The following MACROD2 variants were observed in gnomAD, a reference collection of about 807,000 sequenced individuals.
MACROD2 encodes ADP-ribose glycohydrolase MACROD2.
MACROD2 carries 36 observed loss-of-function variants against 70.4 expected under a neutral mutation model. That is an observed-to-expected ratio of 0.51 (90% CI 0.39 to 0.68). The LOEUF (loss-of-function observed/expected upper bound fraction) is 0.68, where lower values mean the gene tolerates loss of function less well. MACROD2 is among the 30% of genes least tolerant of loss of function. The pLI, the probability that MACROD2 is intolerant of heterozygous loss-of-function variation, is 0.00. For missense variants in MACROD2, 496 were observed against 538.4 expected (o/e 0.92, Z 0.78); for synonymous variants, 172 against 178.8 (o/e 0.96, Z 0.30).
chr20:14,357,099 G>T (rs2083179536), intron 3 of MACROD2, among the ~76,000 whole-genome samples: 1 of 152,202 alleles, frequency 6.6e-6, no homozygotes, highest in South Asian at 2.1e-4. Context: ...AGATTTAAGA[G>T]GGAGGAACGT....
chr20:15,212,109 A>C lies in MACROD2; in HGVS notation c.419-17831A>C, dbSNP rs917235766. On this transcript the variant is annotated intron_variant, in intron 5 of 17. Transcript: ENST00000684519. The stretch of plus-strand genomic sequence containing the variant: ...ATTTGCATTTCCGGAAGAACTAAGG[A>C]TATTGAGCACTATTTCATGTACTTA... Among the ~76,000 whole-genome samples, 4 of 152,314 alleles carry C rather than the reference A, an allele frequency of 2.6e-5. No homozygotes were observed. The East Asian group carries it at 7.7e-4, about 29-fold the overall frequency.
intron 5 of MACROD2, among the ~76,000 whole-genome samples, chr20:14,750,980 G>T (rs1454728568): frequency 1.3e-5 from 2 of 151,638 alleles, no homozygotes; most frequent in African/African-American, 4.9e-5. Flanking sequence ...TCTTTTGTTT[G>T]TTTTCCCTGT....
At chr20:14,137,919 C>T (rs1275682659) in intron 3 of MACROD2, among the ~76,000 whole-genome samples, 1 of 152,006 alleles carries the variant, frequency 6.6e-6, no homozygotes, top group African/African-American at 2.4e-5. Flanking sequence ...CTGTACAACT[C>T]AGTAAAAACA....
intron 5 of MACROD2, among the ~76,000 whole-genome samples, chr20:14,714,531 C>A (rs2071375467): frequency 6.6e-6 from 1 of 152,216 alleles, no homozygotes; most frequent in Admixed American, 6.5e-5. Flanking sequence ...ACATGACCTA[C>A]AAGACCTGGC....
chr20:15,448,380 T>C (rs1398369750), intron 7 of MACROD2, among the ~76,000 whole-genome samples: 1 of 152,116 alleles, frequency 6.6e-6, no homozygotes, highest in Non-Finnish European at 1.5e-5. Flanking sequence ...TGCCCTGGCG[T>C]CCCTGAGCAG....
intron 5 of MACROD2, among the ~76,000 whole-genome samples, chr20:14,820,966 A>G (rs1474650975): frequency 1.3e-5 from 2 of 152,028 alleles, no homozygotes; most frequent in East Asian, 3.9e-4. Context: ...TCATTTCCCA[A>G]TCATGAATAG....
intron 4 of MACROD2, among the ~76,000 whole-genome samples, chr20:14,503,001 A>G (rs1260302455): frequency 6.6e-6 from 1 of 152,186 alleles, no homozygotes; most frequent in Non-Finnish European, 1.5e-5. Context: ...CAACATTACC[A>G]GTCTAGGAGA....
At chr20:14,617,306 C>T (rs969039147) in intron 4 of MACROD2, among the ~76,000 whole-genome samples, 1 of 152,104 alleles carries the variant, frequency 6.6e-6, no homozygotes, top group African/African-American at 2.4e-5. Context: ...GCCAATCTTT[C>T]CTCCTTTGTT....
chr20:14,872,156 G>A (rs2073495983), intron 5 of MACROD2, among the ~76,000 whole-genome samples: 1 of 152,046 alleles, frequency 6.6e-6, no homozygotes, highest in South Asian at 2.1e-4. Flanking sequence ...CTCATTACTG[G>A]ATCAAATGAA....
intron 6 of MACROD2, among the ~76,000 whole-genome samples, chr20:15,236,495 A>G (rs2077015115): frequency 6.6e-6 from 1 of 152,188 alleles, no homozygotes; most frequent in Non-Finnish European, 1.5e-5. Context: ...AAGAATAGCA[A>G]ATGTTTCTGA....
intron 5 of MACROD2, among the ~76,000 whole-genome samples, chr20:14,917,618 G>A (rs569726980): frequency 7.1e-4 from 108 of 152,088 alleles, no homozygotes; most frequent in African/African-American, 2.0e-3. Flanking sequence ...AAAACACACC[G>A]ACTACAACAA....
intron 6 of MACROD2, among the ~76,000 whole-genome samples, chr20:15,429,246 G>T (rs1350287674): frequency 1.3e-5 from 2 of 152,118 alleles, no homozygotes; most frequent in African/African-American, 4.8e-5. Flanking sequence ...TTCATGATCT[G>T]TATCACTGAA....
intron 5 of MACROD2, among the ~76,000 whole-genome samples, chr20:15,040,972 T>A (rs931774717): frequency 7.9e-5 from 12 of 152,232 alleles, no homozygotes; most frequent in African/African-American, 2.4e-4. Context: ...ATAAAATCTT[T>A]TATGTTTTCA....
At chr20:14,625,989 A>G (rs535441139) in intron 4 of MACROD2, among the ~76,000 whole-genome samples, 1 of 152,066 alleles carries the variant, frequency 6.6e-6, no homozygotes, top group African/African-American at 2.4e-5. Context: ...TGCCCGGCTA[A>G]TTTTTTTGGT....
At chr20:15,936,520 CAT>C (rs761070499) in intron 11 of MACROD2, among the ~76,000 whole-genome samples, 7 of 148,296 alleles carry the variant, frequency 4.7e-5, no homozygotes, top group African/African-American at 7.4e-5. Flanking sequence ...TATATATACA[CAT>C]GTGCACACTA....
intron 5 of MACROD2, among the ~76,000 whole-genome samples, chr20:14,997,147 T>C (rs1428050892): frequency 1.3e-5 from 2 of 151,976 alleles, no homozygotes; most frequent in African/African-American, 4.8e-5. Flanking sequence ...CTTTCCCTTG[T>C]GGAAAGGAGA....
chr20:14,599,691 G>A (rs1982360835), intron 4 of MACROD2, among the ~76,000 whole-genome samples: 1 of 152,110 alleles, frequency 6.6e-6, no homozygotes, highest in African/African-American at 2.4e-5. Context: ...TGTGTCAGGA[G>A]GCAGTAATTG....
intron 8 of MACROD2, among the ~76,000 whole-genome samples, chr20:15,795,625 T>C (rs6135527): frequency 0.029 from 4,491 of 152,290 alleles, 315 homozygotes; most frequent in East Asian, 0.29. Context: ...ATTCTCTAAA[T>C]TGTTTAATCT....
At chr20:15,837,562 T>G (rs2064127949) in intron 8 of MACROD2, among the ~76,000 whole-genome samples, 1 of 152,046 alleles carries the variant, frequency 6.6e-6, no homozygotes, top group Admixed American at 6.6e-5. Flanking sequence ...CATCAATCTG[T>G]TTTTTTCCAA....
Sources: allele counts gnomAD v4.1 joint callset (sites outside exome capture counted in the v4.1 genomes callset), GRCh38; gene constraint gnomAD v4.1.1; transcripts MANE v1.5; gene names NCBI Gene and HGNC (gene_info 2026-07-23, HGNC 2026-07-21).